SPON1: variants seen among roughly 807,000 people sequenced by gnomAD.
The protein encoded by SPON1 is spondin 1.
Under a neutral mutation model 111.7 loss-of-function variants are expected in SPON1, and 52 were observed. That is an observed-to-expected ratio of 0.47 (90% CI 0.37 to 0.59). SPON1 has a LOEUF of 0.59. SPON1 is among the 20% of genes least tolerant of loss of function. SPON1 has a pLI of 0.00. For missense variants in SPON1, 957 were observed against 1,068.5 expected (o/e 0.90, Z 1.46); for synonymous variants, 410 against 395.8 (o/e 1.04, Z -0.43).
chr11:14,218,563 A>G (rs1277650672), intron 6 of SPON1, among the ~76,000 whole-genome samples: 4 of 152,132 alleles, frequency 2.6e-5, no homozygotes, highest in African/African-American at 9.7e-5. Flanking sequence ...TGTCAGCCCC[A>G]AATCAGAGGG....
rs34480564 is a variant in SPON1 at position 14,263,053 on chromosome 11, T to TAA, written c.2260+98_2260+99dup. 5.3e-3 allele frequency: 5,024 copies of TAA among 946,296 alleles called. 1 individual carries two copies. Among genetic ancestry groups the TAA allele is most frequent in the South Asian group, 7.4e-3 (353 of 47,554 alleles). The allele number at this position is 946,296 out of a possible 1,614,324, so 58.6% of individuals were successfully genotyped here. Reference sequence around the variant, plus strand: ...CACTGGGCTAAGTCTTGGACCTGTTTAAAAAAAAAAAAAAAAAAAAAGTCG... The same window carrying TAA: ...CACTGGGCTAAGTCTTGGACCTGTTTAAAAAAAAAAAAAAAAAAAAAAAGTCG... On this transcript the variant is annotated intron_variant, in intron 15 of 15. Coordinates refer to ENST00000576479, the MANE Select transcript of SPON1 (RefSeq NM_006108.4).
At chr11:14,231,969 C>T (rs530121627) in intron 6 of SPON1, among the ~76,000 whole-genome samples, 50 of 131,492 alleles carry the variant, frequency 3.8e-4, no homozygotes, top group African/African-American at 1.2e-3. Flanking sequence ...TCTCCTCCTA[C>T]GCCGTGTGTG....
At chr11:14,172,571 C>T (rs1353543108) in intron 6 of SPON1, among the ~76,000 whole-genome samples, 5 of 151,960 alleles carry the variant, frequency 3.3e-5, no homozygotes, top group African/African-American at 4.8e-5. Context: ...TTTGTTGATG[C>T]AGTTTCTTCC....
intron 1 of SPON1, among the ~76,000 whole-genome samples, chr11:13,964,773 C>G (rs1848003503): frequency 6.6e-6 from 1 of 152,172 alleles, no homozygotes; most frequent in African/African-American, 2.4e-5. Context: ...CGGGAGGCGG[C>G]CGATCCTCCC....
At chr11:14,098,762 C>G (rs765013894) in intron 5 of SPON1, among the ~76,000 whole-genome samples, 13 of 152,132 alleles carry the variant, frequency 8.5e-5, no homozygotes, top group Admixed American at 7.2e-4. Flanking sequence ...GAATGATGCA[C>G]TGGCTGTGCC....
intron 6 of SPON1, among the ~76,000 whole-genome samples, chr11:14,174,871 T>C (rs142933835): frequency 2.3e-3 from 354 of 152,308 alleles, no homozygotes; most frequent in Middle Eastern, 0.017. Context: ...TACCTGACTT[T>C]ATCCATGCCA....
At chr11:14,262,064 A>G (rs1849190398) in intron 14 of SPON1, among the ~76,000 whole-genome samples, 1 of 152,232 alleles carries the variant, frequency 6.6e-6, no homozygotes, top group South Asian at 2.1e-4. Flanking sequence ...TTTCACATTT[A>G]TGAGATGCTG....
intron 6 of SPON1, among the ~76,000 whole-genome samples, chr11:14,177,521 G>C (rs142973477): frequency 0.074 from 11,189 of 152,224 alleles, 540 homozygotes; most frequent in East Asian, 0.17. Flanking sequence ...GGTCCATCAA[G>C]TGCAGGGTCT....
intron 5 of SPON1, among the ~76,000 whole-genome samples, chr11:14,096,878 T>G (rs1401295595): frequency 6.6e-6 from 1 of 152,232 alleles, no homozygotes; most frequent in Non-Finnish European, 1.5e-5. Flanking sequence ...ACTCTGTACA[T>G]GTATTATTTT....
intron 2 of SPON1, among the ~76,000 whole-genome samples, chr11:13,994,970 T>A (rs73420224): frequency 0.018 from 2,793 of 152,320 alleles, 83 homozygotes; most frequent in African/African-American, 0.064. Flanking sequence ...ATACAGTGTT[T>A]TCTTTCTTTC....
chr11:14,063,474 A>C (rs1262937573), intron 3 of SPON1, among the ~76,000 whole-genome samples: 3 of 151,976 alleles, frequency 2.0e-5, no homozygotes, highest in African/African-American at 7.3e-5. Context: ...TTGTAGCTGA[A>C]AATATTTCTG....
intron 6 of SPON1, among the ~76,000 whole-genome samples, chr11:14,169,371 T>G (rs1234360448): frequency 6.6e-6 from 1 of 152,130 alleles, no homozygotes; most frequent in African/African-American, 2.4e-5. Context: ...TAAATTTGTT[T>G]GAGTTCATTG....
intron 6 of SPON1, among the ~76,000 whole-genome samples, chr11:14,231,116 A>G (rs976839292): frequency 1.4e-5 from 2 of 143,450 alleles, no homozygotes; most frequent in Non-Finnish European, 3.0e-5. Flanking sequence ...CCCAGCCGCC[A>G]CTTTTTTTCT....
intron 5 of SPON1, among the ~76,000 whole-genome samples, chr11:14,088,836 A>T (rs556431549): frequency 6.6e-6 from 1 of 151,348 alleles, no homozygotes; most frequent in African/African-American, 2.4e-5. Context: ...GTTCCTTTTC[A>T]TTCTTTTTTC....
At chr11:14,001,616 G>A (rs190776561) in intron 2 of SPON1, among the ~76,000 whole-genome samples, 54 of 152,258 alleles carry the variant, frequency 3.5e-4, no homozygotes, top group Admixed American at 3.1e-3. Context: ...AAGATAGACC[G>A]TTACCCTTTC....
At chr11:14,013,642 C>G (rs1361072076) in intron 2 of SPON1, among the ~76,000 whole-genome samples, 1 of 152,140 alleles carries the variant, frequency 6.6e-6, no homozygotes, top group African/African-American at 2.4e-5. Flanking sequence ...GTCTTTCTCT[C>G]AGGTCATATT....
At chr11:14,150,730 T>C (rs1847777372) in intron 6 of SPON1, among the ~76,000 whole-genome samples, 1 of 152,170 alleles carries the variant, frequency 6.6e-6, no homozygotes, top group African/African-American at 2.4e-5. Flanking sequence ...GAAATGGTAA[T>C]CATTTGTGAA....
chr11:13,989,660 C>G (rs1050247349), intron 2 of SPON1, among the ~76,000 whole-genome samples: 2 of 152,108 alleles, frequency 1.3e-5, no homozygotes, highest in African/African-American at 4.8e-5. Context: ...TTAGATCTTT[C>G]CTGCTTTCTC....
intron 5 of SPON1, among the ~76,000 whole-genome samples, chr11:14,095,724 G>A (rs932002768): frequency 1.3e-5 from 2 of 152,160 alleles, no homozygotes; most frequent in Admixed American, 6.5e-5. Flanking sequence ...ATTGGATGAG[G>A]CCCACCCACA....
Sources: gnomAD v4.1 joint callset for allele counts (sites outside exome capture counted in the v4.1 genomes callset) on GRCh38, gnomAD v4.1.1 for gene constraint, MANE v1.5 for transcripts, NCBI Gene and HGNC (gene_info 2026-07-23, HGNC 2026-07-21) for gene names.